Variants in ATP9B observed in about 807,000 individuals in gnomAD.
ATP9B encodes the protein probable phospholipid-transporting ATPase IIB.
A neutral mutation model predicts 146.1 loss-of-function variants in ATP9B; 110 were observed. The ratio of observed to expected loss-of-function variants is 0.75; its 90% confidence interval spans 0.65 to 0.88. ATP9B has a LOEUF of 0.88. ATP9B is among the 40% of genes least tolerant of loss of function. ATP9B has a pLI of 0.00. For missense variants in ATP9B, 1,499 were observed against 1,496.4 expected, an observed-to-expected ratio of 1.00 and a Z score of -0.03; for synonymous variants, 604 against 569.7, an observed-to-expected ratio of 1.06 and a Z score of -0.86.
chr18:79,344,621 G>A (rs1052888863), intron 21 of ATP9B, among the ~76,000 whole-genome samples: 2 of 152,208 alleles, frequency 1.3e-5, no homozygotes, highest in African/African-American at 2.4e-5. Flanking sequence ...TCGTAGCAGC[G>A]GTATCTGCCG....
chr18:79,163,673 A>AT (rs1236108624), intron 7 of ATP9B, among the ~76,000 whole-genome samples: 43 of 152,050 alleles, frequency 2.8e-4, no homozygotes, highest in African/African-American at 9.6e-4. Flanking sequence ...CGTGCAATAT[A>AT]TTTTTTTATA....
At chr18:79,351,827 G>A (rs2096923843) in intron 25 of ATP9B, among the ~76,000 whole-genome samples, 1 of 151,986 alleles carries the variant, frequency 6.6e-6, no homozygotes, top group Non-Finnish European at 1.5e-5. Context: ...AAGCCTAGGG[G>A]GATGGGGGAT....
chr18:79,093,659 C>T (rs2074534276), intron 1 of ATP9B, among the ~76,000 whole-genome samples: 1 of 152,082 alleles, frequency 6.6e-6, no homozygotes, highest in Admixed American at 6.6e-5. Context: ...CTAATAATGA[C>T]ATGCATGTTA....
intron 17 of ATP9B, among the ~76,000 whole-genome samples, chr18:79,332,265 TA>T (rs202063731): frequency 0.068 from 10,320 of 152,030 alleles, 464 homozygotes; most frequent in Non-Finnish European, 0.1. Context: ...CCATCTCTAC[TA>T]AAAATACAAA....
At chr18:79,318,299 G>A (rs2096693853) in intron 15 of ATP9B, among the ~76,000 whole-genome samples, 1 of 152,242 alleles carries the variant, frequency 6.6e-6, no homozygotes. Context: ...AGTAGGGTCA[G>A]CATCAGCAGT....
At chr18:79,164,588 G>A (rs2094936267) in intron 7 of ATP9B, among the ~76,000 whole-genome samples, 1 of 152,058 alleles carries the variant, frequency 6.6e-6, no homozygotes, top group Non-Finnish European at 1.5e-5. Context: ...ACATGGTGGC[G>A]GGCGCCTGTA....
chr18:79,243,470 G>A (rs1004828929), intron 11 of ATP9B, among the ~76,000 whole-genome samples: 1 of 152,180 alleles, frequency 6.6e-6, no homozygotes, highest in African/African-American at 2.4e-5. Flanking sequence ...CTGGAGAATG[G>A]GATGGAGATC....
intron 26 of ATP9B, among the ~76,000 whole-genome samples, chr18:79,371,727 C>T (rs1038873347): frequency 3.3e-5 from 5 of 152,246 alleles, no homozygotes; most frequent in Admixed American, 6.5e-5. Flanking sequence ...CTGTCACCAT[C>T]CTCCATCTTC....
intron 12 of ATP9B, chr18:79,254,425 A>G (rs1452820921): frequency 6.6e-6 from 1 of 152,276 alleles, no homozygotes. Flanking sequence ...ACAGGCAGTC[A>G]CCAGGAATGA....
intron 12 of ATP9B, 129 bp downstream of exon 12, chr18:79,253,670 G>A: frequency 2.1e-6 from 2 of 956,152 alleles, no homozygotes; most frequent in Non-Finnish European, 3.0e-6. Context: ...AAGTTCTGAG[G>A]AATCTTGAGG....
intron 7 of ATP9B, among the ~76,000 whole-genome samples, chr18:79,168,208 A>G (rs1280833021): frequency 6.6e-6 from 1 of 152,208 alleles, no homozygotes; most frequent in African/African-American, 2.4e-5. Flanking sequence ...CAAGAAAAAT[A>G]GAAGGAGACT....
At chr18:79,191,505 CA>C (rs2095366388) in intron 8 of ATP9B, among the ~76,000 whole-genome samples, 3 of 152,140 alleles carry the variant, frequency 2.0e-5, no homozygotes, top group Admixed American at 2.0e-4. Flanking sequence ...TGACTGTATT[CA>C]TGTTCAAAAT....
Position 79,332,530 on chromosome 18 carries a change from G to A in ATP9B, c.2028+2426G>A, listed in dbSNP as rs189575299. Among the ~76,000 whole-genome samples, 366 of 152,328 alleles carry A rather than the reference G, an allele frequency of 2.4e-3. 1 individual carries two copies. The highest frequency in any genetic ancestry group is 6.4e-3 in the South Asian group (31 of 4,820). On this transcript the variant is annotated intron_variant, in intron 17 of 29. Coordinates refer to ENST00000426216, the MANE Select transcript of ATP9B (RefSeq NM_198531.5). ...AAGACCTTCTGACTTTCTTCCTCAT[G>A]GTCTTCATGTTGAGGAGGCTGAGGA...
At chr18:79,184,466 C>T (rs982507906) in intron 8 of ATP9B, among the ~76,000 whole-genome samples, 4 of 152,058 alleles carry the variant, frequency 2.6e-5, no homozygotes, top group African/African-American at 7.2e-5. Context: ...CTTTCTCATC[C>T]TCGCTCTGCT....
At chr18:79,327,432 CT>C (rs2096753865) in intron 15 of ATP9B, among the ~76,000 whole-genome samples, 1 of 152,092 alleles carries the variant, frequency 6.6e-6, no homozygotes, top group East Asian at 1.9e-4. Context: ...AGAGAGCGTG[CT>C]CTCCATGGTT....
chr18:79,243,519 A>G (rs573397129), intron 11 of ATP9B, among the ~76,000 whole-genome samples: 1 of 152,350 alleles, frequency 6.6e-6, no homozygotes, highest in South Asian at 2.1e-4. Flanking sequence ...TTACACAATA[A>G]GCCAAGAAAC....
At chr18:79,096,766 A>G in intron 2 of ATP9B, 117 bp downstream of exon 2, 1 of 838,070 alleles carries the variant, frequency 1.2e-6, no homozygotes, top group Non-Finnish European at 1.8e-6. Context: ...TCCTTAAATG[A>G]TATCATGGAG....
Position 79,194,162 on chromosome 18 carries a change from A to G in ATP9B, c.954+899A>G, listed in dbSNP as rs548456056. On this transcript the variant is annotated intron_variant, in intron 9 of 29. Coordinates refer to ENST00000426216, the MANE Select transcript of ATP9B (RefSeq NM_198531.5). ...TAAATATCATGGAGTGAATTCTGAA[A>G]TAAACTCACATCTTTTTTTTTTAAA... 6.6e-5 allele frequency among the ~76,000 whole-genome samples: 10 copies of G among 152,340 alleles called. No individual in the cohort carries two copies. The East Asian group carries it at 1.9e-3, about 29-fold the overall frequency.
At chr18:79,291,283 C>G (rs192406667) in intron 13 of ATP9B, among the ~76,000 whole-genome samples, 2 of 152,234 alleles carry the variant, frequency 1.3e-5, no homozygotes, top group Admixed American at 1.3e-4. Context: ...CACTCTTACT[C>G]TCTGGCTGCA....
Sources: allele counts gnomAD v4.1 joint callset (sites outside exome capture counted in the v4.1 genomes callset), GRCh38; gene constraint gnomAD v4.1.1; transcripts MANE v1.5; gene names NCBI Gene and HGNC (gene_info 2026-07-23, HGNC 2026-07-21).